MACROH2A1: variants seen among roughly 807,000 people sequenced by gnomAD.
MACROH2A1 encodes core histone macro-H2A.1.
MACROH2A1 carries 2 observed loss-of-function variants against 31.6 expected under a neutral mutation model. The ratio of observed to expected loss-of-function variants is 0.06; its 90% CI spans 0.03 to 0.20. MACROH2A1 has a LOEUF of 0.20. Ranked by LOEUF, MACROH2A1 falls within the 10% of genes least tolerant of loss-of-function variation. MACROH2A1 has a pLI of 1.00. For missense variants in MACROH2A1, 230 were observed against 474.0 expected, an observed-to-expected ratio of 0.49 and a Z score of 4.78; for synonymous variants, 169 against 189.6, an observed-to-expected ratio of 0.89 and a Z score of 0.89.
intron 2 of MACROH2A1, among the ~76,000 whole-genome samples, chr5:135,375,259 T>TGCAA (rs1188451436): frequency 6.6e-6 from 1 of 152,250 alleles, no homozygotes; most frequent in Non-Finnish European, 1.5e-5. Context: ...TCCTCAGAGC[T>TGCAA]GCAAGCCCTG....
chr5:135,351,877 T>TA (rs933618395), intron 6 of MACROH2A1, among the ~76,000 whole-genome samples: 3 of 151,948 alleles, frequency 2.0e-5, no homozygotes, highest in African/African-American at 7.3e-5. Context: ...TATTTTAGTA[T>TA]AAAATGTGCT....
chr5:135,360,472 A>G (rs775007241), intron 5 of MACROH2A1, 25 bp downstream of exon 5: 2 of 1,447,292 alleles, frequency 1.4e-6, no homozygotes, highest in Admixed American at 1.7e-5. Flanking sequence ...GCCCTCGAGT[A>G]GACTGAGGCC....
chr5:135,350,810 G>T lies in MACROH2A1; in HGVS notation c.688+2136C>A, dbSNP rs186981083. 2.6e-6 allele frequency: 4 copies of T among 1,567,264 alleles called. No individual in the cohort carries two copies. The African/African-American group carries it at 4.1e-5, about 16-fold the overall frequency. ...TGCACACACACACTCGGCAGCACCCGGCTAGGCATTACCTACTTCACCACC... is the reference window on the plus strand; with the variant it reads ...TGCACACACACACTCGGCAGCACCCTGCTAGGCATTACCTACTTCACCACC... On this transcript the variant is annotated intron_variant, in intron 6 of 8. Transcript: ENST00000511689.
chr5:135,340,765 C>T (rs1315366338), intron 8 of MACROH2A1, among the ~76,000 whole-genome samples: 1 of 152,214 alleles, frequency 6.6e-6, no homozygotes, highest in Admixed American at 6.5e-5. Context: ...TGTTTTATTT[C>T]CCCTCCTAAA....
At chr5:135,341,419 C>T (rs1435044177) in intron 8 of MACROH2A1, among the ~76,000 whole-genome samples, 1 of 152,184 alleles carries the variant, frequency 6.6e-6, no homozygotes, top group Non-Finnish European at 1.5e-5. Context: ...TGCTGTTTTG[C>T]CCTTGACTGG....
At chr5:135,340,972 C>G (rs1759738674) in intron 8 of MACROH2A1, among the ~76,000 whole-genome samples, 1 of 152,196 alleles carries the variant, frequency 6.6e-6, no homozygotes, top group Admixed American at 6.5e-5. Context: ...CTACTTTTTA[C>G]TCCATGAAAA....
intron 4 of MACROH2A1, among the ~76,000 whole-genome samples, chr5:135,366,231 G>C (rs765507866): frequency 6.6e-6 from 1 of 152,128 alleles, no homozygotes; most frequent in African/African-American, 2.4e-5. Context: ...TCACAGCAGC[G>C]TAAGAATGGA....
chr5:135,371,283 T>C (rs931648470), intron 2 of MACROH2A1, among the ~76,000 whole-genome samples: 8 of 152,218 alleles, frequency 5.3e-5, no homozygotes, highest in East Asian at 1.9e-4. Context: ...TTGTGCAGAA[T>C]AGTAACTATA....
intron 5 of MACROH2A1, chr5:135,358,723 A>G (rs191637038): frequency 6.7e-4 from 626 of 938,452 alleles, no homozygotes; most frequent in Admixed American, 1.3e-3. Context: ...AATTTATTAT[A>G]GAGTATCAAT....
chr5:135,396,779 G>C (rs1768057739), intron 1 of MACROH2A1, among the ~76,000 whole-genome samples: 1 of 152,080 alleles, frequency 6.6e-6, no homozygotes, highest in Non-Finnish European at 1.5e-5. Flanking sequence ...TGTGTCCCCA[G>C]TGCCTGAACA....
intron 2 of MACROH2A1, among the ~76,000 whole-genome samples, chr5:135,388,048 CAA>C (rs55971554): frequency 0.023 from 1,858 of 80,912 alleles, 35 homozygotes; most frequent in African/African-American, 0.065. Flanking sequence ...ATTGATACTT[CAA>C]AAAAAAAAAA....
At chr5:135,345,830 A>G (rs1397579009) in intron 7 of MACROH2A1, 138 bp downstream of exon 7, 1 of 636,770 alleles carries the variant, frequency 1.6e-6, no homozygotes, top group Non-Finnish European at 2.9e-6. Flanking sequence ...ATGTAAAGCT[A>G]CAGGCTGTCC....
In MACROH2A1 at chr5:135,334,884, G is replaced by A; in HGVS notation, c.*92C>T. On this transcript the variant is annotated 3_prime_UTR_variant, in exon 9 of 9. Coordinates refer to ENST00000511689, the MANE Select transcript of MACROH2A1 (RefSeq NM_138610.3). ...ATGAGCAAAACTGAAAATGAAAGGG[G>A]TCCCACCTCCCAGTAGGAGTGAAGG... 1.9e-6 allele frequency: 2 copies of A among 1,063,566 alleles called. No individual in the cohort carries two copies. The highest frequency in any genetic ancestry group is 2.8e-6 in the Non-Finnish European group (2 of 721,120). The allele number at this position is 1,063,566 out of a possible 1,614,324, so 65.9% of individuals were successfully genotyped here.
intron 4 of MACROH2A1, among the ~76,000 whole-genome samples, chr5:135,367,695 G>A (rs1003459683): frequency 2.0e-5 from 3 of 152,170 alleles, no homozygotes; most frequent in African/African-American, 2.4e-5. Flanking sequence ...ACACAGCCAG[G>A]GCAAAGGCTA....
At chr5:135,397,271 C>T (rs1490619450) in intron 1 of MACROH2A1, among the ~76,000 whole-genome samples, 5 of 152,092 alleles carry the variant, frequency 3.3e-5, no homozygotes, top group African/African-American at 7.2e-5. Flanking sequence ...TCCTCAAGTT[C>T]GCCTCTCTCA....
At chr5:135,343,114 G>A (rs1760186686) in intron 8 of MACROH2A1, 146 bp downstream of exon 8, 2 of 1,548,892 alleles carry the variant, frequency 1.3e-6, no homozygotes, top group South Asian at 1.2e-5. Context: ...TTTAATGTCT[G>A]CATTCTTCCC....
intron 2 of MACROH2A1, among the ~76,000 whole-genome samples, chr5:135,383,069 C>A (rs1765871106): frequency 1.3e-5 from 2 of 152,224 alleles, no homozygotes; most frequent in Non-Finnish European, 2.9e-5. Flanking sequence ...TGAGGCCTGA[C>A]CCACTTGGGT....
chr5:135,376,831 TAAA>T (rs1182746657), intron 2 of MACROH2A1, among the ~76,000 whole-genome samples: 1 of 152,188 alleles, frequency 6.6e-6, no homozygotes, highest in Non-Finnish European at 1.5e-5. Context: ...ACTGCACTGT[TAAA>T]AAAGTGCGAC....
intron 4 of MACROH2A1, among the ~76,000 whole-genome samples, chr5:135,365,930 A>C (rs897191960): frequency 1.3e-5 from 2 of 152,256 alleles, no homozygotes; most frequent in African/African-American, 4.8e-5. Flanking sequence ...ATCTCACCTC[A>C]AATTGTAATC....
Sources: gnomAD v4.1 joint callset for allele counts (sites outside exome capture counted in the v4.1 genomes callset) on GRCh38, gnomAD v4.1.1 for gene constraint, MANE v1.5 for transcripts, NCBI Gene and HGNC (gene_info 2026-07-23, HGNC 2026-07-21) for gene names.